Variants in PPP1R9B observed in about 807,000 individuals in gnomAD.
PPP1R9B encodes protein phosphatase 1 regulatory subunit 9B.
Under a neutral mutation model 75.8 loss-of-function variants are expected in PPP1R9B, and 17 were observed. That is an observed-to-expected ratio of 0.22 (90% confidence interval 0.15 to 0.34). The LOEUF (loss-of-function observed/expected upper bound fraction) is 0.34, where lower values mean the gene tolerates loss of function less well. PPP1R9B is among the 10% of genes least tolerant of loss of function. The pLI, the probability that PPP1R9B is intolerant of heterozygous loss-of-function variation, is 1.00. For synonymous variants in PPP1R9B, 509 were observed against 535.4 expected (o/e 0.95, Z 0.68); for missense variants, 875 against 1,196.0 (o/e 0.73, Z 3.96).
Position 50,149,422 on chromosome 17 carries a change from C to G in PPP1R9B, c.1092G>C (p.Arg364Ser), listed in dbSNP as rs367543189. ...KEAAAVAPPE[R>S]GVGNGRAPDV... Reference sequence around the variant, plus strand: ...CCGGGGCCCGGCCATTGCCCACCCCCCTCTCTGGCGGCGCTACCGCCGCCG... The same window carrying G: ...CCGGGGCCCGGCCATTGCCCACCCCGCTCTCTGGCGGCGCTACCGCCGCCG... The change falls in exon 1 of 10, where the codon AGG becomes AGC. Residue 364 changes from arginine to serine, a missense_variant. This residue lies in a region of PPP1R9B where 449 missense variants were observed against 475.0 expected (regional missense o/e 0.95). Transcript: ENST00000612501. This position sits in a 1 kb window ranked among gnomAD's most constrained non-coding sequence, Gnocchi z 7.2. 9.3e-6 allele frequency: 15 copies of G among 1,610,330 alleles called. No individual in the cohort carries two copies. The highest frequency in any genetic ancestry group is 7.7e-5 in the South Asian group (7 of 90,908).
Position 50,149,355 on chromosome 17 carries a change from A to T in PPP1R9B, c.1159T>A (p.Phe387Ile). Reference sequence around the variant, plus strand: ...ACGTCCACCAAGTCCGCCTCCGAGAAGTCCTCCTTCTTGGATTCATCTACC... The same window carrying T: ...ACGTCCACCAAGTCCGCCTCCGAGATGTCCTCCTTCTTGGATTCATCTACC... ...EEVDESKKEDFSEADLVDVSA... is the reference protein window; with the variant it reads ...EEVDESKKEDISEADLVDVSA... The change falls in exon 1 of 10, where the codon TTC becomes ATC. Residue 387 changes from phenylalanine to isoleucine, a missense_variant. By Grantham distance (21) the Phe-to-Ile change is conservative. This residue lies in a region of PPP1R9B where 449 missense variants were observed against 475.0 expected (regional missense o/e 0.95). Transcript: ENST00000612501. The surrounding 1 kb of genome is among the most constrained non-coding windows in gnomAD (Gnocchi z 7.2). 1.9e-6 allele frequency: 3 copies of T among 1,612,828 alleles called. No homozygotes were observed. Among genetic ancestry groups the T allele is most frequent in the Non-Finnish European group, 2.5e-6 (3 of 1,179,622 alleles).
Position 50,150,114 on chromosome 17 carries a change from G to C in PPP1R9B, c.400C>G (p.Pro134Ala), listed in dbSNP as rs1195586126. The C allele has an allele frequency of 7.1e-7, 1 of 1,401,574 alleles. No homozygotes were observed. Among genetic ancestry groups the C allele is most frequent in the Admixed American group, 3.2e-5 (1 of 31,416 alleles). The allele number at this position is 1,401,574 out of a possible 1,614,324, so 86.8% of individuals were successfully genotyped here. ...FDSKPAPSAQPAPPPHPPSRL... is the reference protein window; with the variant it reads ...FDSKPAPSAQAAPPPHPPSRL... Reference sequence around the variant, plus strand: ...GACGGCGGGTGCGGCGGCGGCGCAGGCTGCGCGGAGGGCGCGGGCTTGGAG... The same window carrying C: ...GACGGCGGGTGCGGCGGCGGCGCAGCCTGCGCGGAGGGCGCGGGCTTGGAG... Residue 134 changes from proline to alanine, a missense_variant, in exon 1 of 10, where the codon CCT becomes GCT. Transcript: ENST00000612501. This position sits in a 1 kb window ranked among gnomAD's most constrained non-coding sequence, Gnocchi z 8.7.
At position 50,134,192 on chromosome 17, in the gene PPP1R9B, G is replaced by A. The variant is rs1912147922; in HGVS notation, c.*1139C>T. The A allele has an allele frequency of 6.6e-6, 1 of 152,642 alleles. No homozygotes were observed. The highest frequency in any genetic ancestry group is 6.5e-5 in the Admixed American group (1 of 15,286). 9.5% of individuals were successfully genotyped at this position (152,642 alleles called of 1,614,324 possible). Reference sequence around the variant, plus strand: ...GGTGGTCTCACCTCCCTTGGTCCAAGCCCCAATTTGGGGTTAAAGTGGGGA... The same window carrying A: ...GGTGGTCTCACCTCCCTTGGTCCAAACCCCAATTTGGGGTTAAAGTGGGGA... On this transcript the variant is annotated 3_prime_UTR_variant, in exon 10 of 10. Coordinates refer to ENST00000612501, the MANE Select transcript of PPP1R9B (RefSeq NM_032595.5).
At position 50,149,536 on chromosome 17, in the gene PPP1R9B, G is replaced by T. The variant is rs1378104201; in HGVS notation, c.978C>A (p.His326Gln). ...CGGTGCTGCCATTCTCCAGGGCCGC[G>T]TGGACCGTAACCTCGGCCTGGATCA... The part of the protein sequence containing the change: ...GEVIQAEVTV[H>Q]AALENGSTVA... The change falls in exon 1 of 10, where the codon CAC becomes CAA. Residue 326 changes from histidine to glutamine, a missense_variant. Transcript: ENST00000612501. The surrounding 1 kb of genome is among the most constrained non-coding windows in gnomAD (Gnocchi z 7.2). 3 of 1,591,532 alleles carry T rather than the reference G, an allele frequency of 1.9e-6. No homozygotes were observed. In the South Asian group the frequency reaches 3.4e-5, roughly 18 times the overall value.
rs532720727 is a variant in PPP1R9B, at chr17:50,149,596, G to A, written c.918C>T (p.Ser306=). 18 of 1,567,608 alleles carry A rather than the reference G, an allele frequency of 1.1e-5. No individual in the cohort carries two copies. The South Asian group carries it at 2.0e-4, about 17-fold the overall frequency. Reference sequence around the variant, plus strand: ...GCGCCGACTCGGCCTCCGACTCCCCGCTCTCCTCCACCTCCACCGGCTTAA... The same window carrying A: ...GCGCCGACTCGGCCTCCGACTCCCCACTCTCCTCCACCTCCACCGGCTTAA... ...RKIKPVEVEE[S]GESEAESAPG... is the part of the protein sequence containing the mutation. Residue 306 remains serine, a synonymous_variant, in exon 1 of 10, where the codon AGC becomes AGT. Coordinates refer to ENST00000612501, the MANE Select transcript of PPP1R9B (RefSeq NM_032595.5). The surrounding 1 kb of genome is among the most constrained non-coding windows in gnomAD (Gnocchi z 7.2).
intron 4 of PPP1R9B, 105 bp from the exon 5 acceptor site, chr17:50,140,333 G>C (rs1355439425): frequency 3.6e-6 from 5 of 1,385,356 alleles, no homozygotes; most frequent in Non-Finnish European, 4.9e-6. Flanking sequence ...CCCAGGGGAG[G>C]AGAGATGAGA....
Position 50,139,201 on chromosome 17 carries a change from G to A in PPP1R9B, c.2073+62C>T, listed in dbSNP as rs1374184233. Reference sequence around the variant, plus strand: ...CAGCATGTGCAGGTGTGAGGGTAGGGGGACCCTGCTCCTCAACACACACAT... The same window carrying A: ...CAGCATGTGCAGGTGTGAGGGTAGGAGGACCCTGCTCCTCAACACACACAT... On this transcript the variant is annotated intron_variant, in intron 7 of 9. Transcript: ENST00000612501. This position sits in a 1 kb window ranked among gnomAD's most constrained non-coding sequence, Gnocchi z 5.0. The A allele has an allele frequency of 2.5e-5, 40 of 1,594,622 alleles. No individual in the cohort carries two copies. Among genetic ancestry groups the A allele is most frequent in the Non-Finnish European group, 3.1e-5 (36 of 1,162,450 alleles).
Position 50,149,464 on chromosome 17 carries a change from C to T in PPP1R9B, c.1050G>A (p.Ala350=), listed in dbSNP as rs1195747129. ...SPAPEEPKAQ[A]APEKEAAAVA... ...CCGCCGCCGCCTCCTTCTCCGGGGCCGCTTGGGCCTTTGGCTCCTCGGGCG... is the reference window on the plus strand; with the variant it reads ...CCGCCGCCGCCTCCTTCTCCGGGGCTGCTTGGGCCTTTGGCTCCTCGGGCG... Residue 350 remains alanine (A), a synonymous_variant, in exon 1 of 10, where the codon GCG becomes GCA. Coordinates refer to ENST00000612501, the MANE Select transcript of PPP1R9B (RefSeq NM_032595.5). This position sits in a 1 kb window ranked among gnomAD's most constrained non-coding sequence, Gnocchi z 7.2. 6.2e-7 allele frequency: 1 copy of T among 1,605,408 alleles called. No homozygotes were observed. The highest frequency in any genetic ancestry group is 1.3e-5 in the African/African-American group (1 of 74,670).
At chr17:50,147,195 C>T (rs987786924) in intron 1 of PPP1R9B, among the ~76,000 whole-genome samples, 11 of 152,220 alleles carry the variant, frequency 7.2e-5, no homozygotes, top group African/African-American at 2.4e-4. Flanking sequence ...CCCAGACCAC[C>T]TCCTACCCCT....
Position 50,149,680 on chromosome 17 carries a change from G to T in PPP1R9B, c.834C>A (p.Pro278=). The change falls in exon 1 of 10, where the codon CCC becomes CCA. Residue 278 remains proline (P), a synonymous_variant. Transcript: ENST00000612501. This position sits in a 1 kb window ranked among gnomAD's most constrained non-coding sequence, Gnocchi z 7.2. The part of the protein sequence containing the change: ...EKERCPAGQQ[P]PQHRVAPARP... Reference sequence around the variant, plus strand: ...GGGCAGGGGCCACTCGGTGCTGCGGGGGCTGCTGCCCTGCGGGGCATCGCT... The same window carrying T: ...GGGCAGGGGCCACTCGGTGCTGCGGTGGCTGCTGCCCTGCGGGGCATCGCT... 6.8e-7 allele frequency: 1 copy of T among 1,471,322 alleles called. No homozygotes were observed. Among genetic ancestry groups the T allele is most frequent in the Non-Finnish European group, 9.0e-7 (1 of 1,116,280 alleles). The allele number at this position is 1,471,322 out of a possible 1,614,324, so 91.1% of individuals were successfully genotyped here.
chr17:50,146,918 T>C (rs1026193288), intron 1 of PPP1R9B, among the ~76,000 whole-genome samples: 1 of 152,176 alleles, frequency 6.6e-6, no homozygotes, highest in African/African-American at 2.4e-5. Flanking sequence ...GACTCAGCAG[T>C]GGGATTTGGC....
intron 4 of PPP1R9B, among the ~76,000 whole-genome samples, chr17:50,140,860 G>A (rs906427555): frequency 1.3e-5 from 2 of 152,278 alleles, no homozygotes; most frequent in East Asian, 3.9e-4. Flanking sequence ...CAGGCCTGGG[G>A]CGGAGTCTTC....
At position 50,135,223 on chromosome 17, in the gene PPP1R9B, G is replaced by A. The variant is rs1170168873; in HGVS notation, c.*108C>T. 20 of 877,370 alleles carry A rather than the reference G, an allele frequency of 2.3e-5. No homozygotes were observed. The highest frequency in any genetic ancestry group is 3.3e-5 in the Non-Finnish European group (18 of 548,368). 54.3% of individuals were successfully genotyped at this position (877,370 alleles called of 1,614,324 possible). ...GTGGGGTGGAGGGGTGGGGGGAGTC[G>A]GGGCACCTGTCCCCAGGCTGGAAGG... is the stretch of plus-strand genomic sequence containing the variant. On this transcript the variant is annotated 3_prime_UTR_variant, in exon 10 of 10. Coordinates refer to ENST00000612501, the MANE Select transcript of PPP1R9B (RefSeq NM_032595.5).
Position 50,140,123 on chromosome 17 carries a change from T to TCCTCCCCATA in PPP1R9B, c.1835_1836insTATGGGGAGG (p.Arg612SerfsTer12). On this transcript the variant is annotated frameshift_variant, in exon 5 of 10. Transcript: ENST00000612501. LOFTEE classifies it high-confidence loss of function. ...CGTCATCCTCCCCATACTGGGCGTA[T>TCCTCCCCATA]CTCTGCTCCATCATCTCCCGCTGCC... is the stretch of plus-strand genomic sequence containing the variant. 1 of 1,613,552 alleles carries TCCTCCCCATA rather than the reference T, an allele frequency of 6.2e-7. No homozygotes were observed. Among genetic ancestry groups the TCCTCCCCATA allele is most frequent in the Non-Finnish European group, 8.5e-7 (1 of 1,179,740 alleles).
At chr17:50,135,431 G>A in intron 9 of PPP1R9B, 47 bp from the exon 10 acceptor site, 1 of 1,599,598 alleles carries the variant, frequency 6.3e-7, no homozygotes, top group Non-Finnish European at 8.6e-7. Flanking sequence ...CACCAGGCAT[G>A]ATCCCAGCCC....
rs377028093 is a variant in PPP1R9B at position 50,149,419 on chromosome 17, C to T, written c.1095G>A (p.Gly365=). 14 of 1,610,608 alleles carry T rather than the reference C, an allele frequency of 8.7e-6. No individual in the cohort carries two copies. Among genetic ancestry groups the T allele is most frequent in the African/African-American group, 1.3e-5 (1 of 74,706 alleles). Residue 365 remains glycine, a synonymous_variant, in exon 1 of 10, where the codon GGG becomes GGA. Coordinates refer to ENST00000612501, the MANE Select transcript of PPP1R9B (RefSeq NM_032595.5). This position sits in a 1 kb window ranked among gnomAD's most constrained non-coding sequence, Gnocchi z 7.2. ...CGTCCGGGGCCCGGCCATTGCCCAC[C>T]CCCCTCTCTGGCGGCGCTACCGCCG... ...EAAAVAPPER[G]VGNGRAPDVA... is the part of the protein sequence containing the mutation.
chr17:50,138,372 G>A (rs896443340), intron 7 of PPP1R9B, among the ~76,000 whole-genome samples: 2 of 152,162 alleles, frequency 1.3e-5, no homozygotes, highest in African/African-American at 4.8e-5. Context: ...ATAGCCTCGA[G>A]TGTAATGTGA....
chr17:50,149,087 C>T lies in PPP1R9B; in HGVS notation c.1371+56G>A, dbSNP rs1430025142. On this transcript the variant is annotated intron_variant, in intron 1 of 9. Transcript: ENST00000612501. The surrounding 1 kb of genome is among the most constrained non-coding windows in gnomAD (Gnocchi z 7.2). ...CGGCTGGCTGGCTGGCGAGCGGGGGCGGCCGCGTGCACGTGGCAGGGGCGG... is the reference window on the plus strand; with the variant it reads ...CGGCTGGCTGGCTGGCGAGCGGGGGTGGCCGCGTGCACGTGGCAGGGGCGG... 8.0e-7 allele frequency: 1 copy of T among 1,256,522 alleles called. No individual in the cohort carries two copies. The highest frequency in any genetic ancestry group is 1.8e-5 in the South Asian group (1 of 56,206). The allele number at this position is 1,256,522 out of a possible 1,614,324, so 77.8% of individuals were successfully genotyped here.
chr17:50,137,774 C>T (rs1912267072), intron 7 of PPP1R9B, among the ~76,000 whole-genome samples: 1 of 152,208 alleles, frequency 6.6e-6, no homozygotes, highest in African/African-American at 2.4e-5. Context: ...AGAGCCCATC[C>T]TGGCAGTCCA....
Sources: allele counts gnomAD v4.1 joint callset (sites outside exome capture counted in the v4.1 genomes callset), GRCh38; gene constraint gnomAD v4.1.1; regional missense constraint gnomAD v4.1.1; non-coding constraint Gnocchi (gnomAD v3.1); transcripts MANE v1.5; gene names NCBI Gene and HGNC (gene_info 2026-07-23, HGNC 2026-07-21).